The following ATAD3A variants were observed in gnomAD, a reference collection of about 807,000 sequenced individuals.
The protein encoded by ATAD3A is ATPase family AAA domain containing 3A.
A neutral mutation model predicts 73.8 loss-of-function variants in ATAD3A; 46 were observed. That is an observed-to-expected ratio of 0.62 (90% CI 0.49 to 0.80). ATAD3A has a LOEUF of 0.80. ATAD3A is among the 30% of genes least tolerant of loss of function. ATAD3A has a pLI of 0.00. For missense variants in ATAD3A, 705 were observed against 838.0 expected, an observed-to-expected ratio of 0.84 and a Z score of 1.96; for synonymous variants, 319 against 350.0, an observed-to-expected ratio of 0.91 and a Z score of 0.99.
intron 15 of ATAD3A, among the ~76,000 whole-genome samples, chr1:1,531,593 G>T (rs112415954): frequency 0.011 from 1,632 of 151,346 alleles, 11 homozygotes; most frequent in Non-Finnish European, 0.017. Flanking sequence ...CTAACACGGT[G>T]GAACCCCATC....
In ATAD3A at chr1:1,520,293, T is replaced by G; in HGVS notation, c.667T>G (p.Leu223Val). ...GGCGGCCGAGCACCGTCAGACCGTC[T>G]TGGAGTCCATCAGGTGAGCACTGCC... is the stretch of plus-strand genomic sequence containing the variant. ...LKAAEHRQTVLESIRTAGTLF... is the reference protein window; with the variant it reads ...LKAAEHRQTVVESIRTAGTLF... Residue 223 changes from leucine to valine, a missense_variant, in exon 6 of 16, where the codon TTG becomes GTG. This residue lies in a region of ATAD3A where 315 missense variants were observed against 334.1 expected (regional missense o/e 0.94). Coordinates refer to ENST00000378756, the MANE Select transcript of ATAD3A (RefSeq NM_001170535.3). The surrounding 1 kb of genome is among the most constrained non-coding windows in gnomAD (Gnocchi z 4.0). 6.2e-7 allele frequency: 1 copy of G among 1,612,910 alleles called. No homozygotes were observed. Among genetic ancestry groups the G allele is most frequent in the Non-Finnish European group, 8.5e-7 (1 of 1,179,560 alleles).
chr1:1,516,811 G>A (rs772187638), intron 2 of ATAD3A, among the ~76,000 whole-genome samples: 1 of 151,144 alleles, frequency 6.6e-6, no homozygotes, highest in Non-Finnish European at 1.5e-5. Context: ...TCTACCTCCC[G>A]GGTTCAACCT....
At chr1:1,519,894 T>G (rs562411025) in intron 5 of ATAD3A, among the ~76,000 whole-genome samples, 1 of 152,288 alleles carries the variant, frequency 6.6e-6, no homozygotes, top group South Asian at 2.1e-4. Flanking sequence ...GTCTGTGGCA[T>G]GGACCTGTCC....
chr1:1,517,691 T>A, intron 3 of ATAD3A, 25 bp from the exon 4 acceptor site: 1 of 1,268,698 alleles, frequency 7.9e-7, no homozygotes, highest in South Asian at 1.2e-5. Context: ...CTGAGATGTG[T>A]CTTTGCCGCC....
chr1:1,522,738 C>T lies in ATAD3A; in HGVS notation c.751-6C>T, dbSNP rs61209674. 688 of 1,612,120 alleles carry T rather than the reference C, an allele frequency of 4.3e-4. 6 individuals are homozygous for T. The African/African-American group carries it at 8.3e-3, about 20-fold the overall frequency. ...CCGGTGCGCCAGTGCGGTGTCTCTG[C>T]TGCAGGTGGCTGGGCTGACGCTGCT... is the stretch of plus-strand genomic sequence containing the variant. On this transcript the variant is annotated splice_region_variant and splice_polypyrimidine_tract_variant and intron_variant, in intron 7 of 15. Transcript: ENST00000378756.
At chr1:1,529,132 G>C in intron 14 of ATAD3A, 91 bp from the exon 15 acceptor site, 1 of 1,546,532 alleles carries the variant, frequency 6.5e-7, no homozygotes, top group Admixed American at 2.0e-5. Flanking sequence ...TGTTTGGCGT[G>C]GGTGTCGGCC....
rs541172597 is a variant in ATAD3A at position 1,520,419 on chromosome 1, T to C, written c.680+113T>C. ...GCCTTGCCGCCGTAGGCTGACTCCT[T>C]GGTGGGGGCACTGCCCCTCTGTCCT... On this transcript the variant is annotated intron_variant, in intron 6 of 15. Transcript: ENST00000378756. This position sits in a 1 kb window ranked among gnomAD's most constrained non-coding sequence, Gnocchi z 4.0. 194 of 1,593,766 alleles carry C rather than the reference T, an allele frequency of 1.2e-4. No individual in the cohort carries two copies. Among genetic ancestry groups the C allele is most frequent in the Non-Finnish European group, 1.5e-4 (177 of 1,166,688 alleles).
intron 15 of ATAD3A, among the ~76,000 whole-genome samples, chr1:1,531,522 C>T (rs1342527065): frequency 6.6e-6 from 1 of 151,398 alleles, no homozygotes; most frequent in African/African-American, 2.4e-5. Context: ...GCCTGTAATC[C>T]CAGCACTTTG....
rs1365397773 is a variant in ATAD3A, at chr1:1,527,252, G to A, written c.1338-443G>A. On this transcript the variant is annotated intron_variant, in intron 13 of 15. Coordinates refer to ENST00000378756, the MANE Select transcript of ATAD3A (RefSeq NM_001170535.3). Reference sequence around the variant, plus strand: ...TTGGGCTCCCAGGTCAGCTGCTGCCGGTGGATGCTCCCTGGAGCCCTGACT... The same window carrying A: ...TTGGGCTCCCAGGTCAGCTGCTGCCAGTGGATGCTCCCTGGAGCCCTGACT... 2.4e-5 allele frequency: 31 copies of A among 1,285,894 alleles called. No homozygotes were observed. In the Admixed American group the frequency reaches 3.3e-4, roughly 14 times the overall value. 79.7% of individuals were successfully genotyped at this position (1,285,894 alleles called of 1,614,324 possible).
At chr1:1,527,369 C>T in intron 13 of ATAD3A, 1 of 1,071,508 alleles carries the variant, frequency 9.3e-7, no homozygotes, top group Non-Finnish European at 1.2e-6. Flanking sequence ...GTGTGGGCGA[C>T]TTCTCGACAT....
chr1:1,522,133 G>A (rs1376313538), intron 7 of ATAD3A, among the ~76,000 whole-genome samples: 6 of 151,542 alleles, frequency 4.0e-5, no homozygotes, highest in Admixed American at 6.6e-5. Flanking sequence ...TTTGCCTTCC[G>A]GGTTCAAGAG....
intron 15 of ATAD3A, among the ~76,000 whole-genome samples, chr1:1,532,335 C>T (rs1230555350): frequency 6.6e-6 from 1 of 150,880 alleles, no homozygotes; most frequent in Non-Finnish European, 1.5e-5. Context: ...TCAATTTGTC[C>T]AAGAGTTTGA....
At position 1,517,256 on chromosome 1, in the gene ATAD3A, G is replaced by T. The variant is rs1185469110; in HGVS notation, c.283-55G>T. The T allele has an allele frequency of 2.6e-6, 4 of 1,547,136 alleles. No individual in the cohort carries two copies. The African/African-American group carries it at 4.2e-5, about 16-fold the overall frequency. ...GAGCCGTGCAGACACAGGAGCGGCT[G>T]TCAGGCAGTGCCAGCCCTGAGCAAG... is the stretch of plus-strand genomic sequence containing the variant. On this transcript the variant is annotated intron_variant, in intron 2 of 15. Transcript: ENST00000378756.
Position 1,516,924 on chromosome 1 carries a change from C to G in ATAD3A, c.283-387C>G, listed in dbSNP as rs953190290. ...ATGGGGTTTCACCATGTTGTTCAGG[C>G]TGGTCTCGAACTACTAACCTCAGTT... On this transcript the variant is annotated intron_variant, in intron 2 of 15. Transcript: ENST00000378756. The G allele has an allele frequency of 1.8e-5, 11 of 603,658 alleles. No individual in the cohort carries two copies. In the African/African-American group the frequency reaches 2.0e-4, roughly 11 times the overall value. 37.4% of individuals were successfully genotyped at this position (603,658 alleles called of 1,614,324 possible). A position where few individuals can be genotyped will look rare whatever the true frequency, so the allele number is the denominator to read the frequency against.
In ATAD3A at chr1:1,512,248, A is replaced by AGCG; in HGVS notation, c.-10_-8dup. On this transcript the variant is annotated 5_prime_UTR_variant, in exon 1 of 16. Transcript: ENST00000378756. Reference sequence around the variant, plus strand: ...CTCGGGTGGGGGTCCCGGCGGCGGTAGCGGCGGCGGCGGTGCGAGCATGTC... The same window carrying AGCG: ...CTCGGGTGGGGGTCCCGGCGGCGGTAGCGGCGGCGGCGGCGGTGCGAGCATGTC... 2 of 1,276,120 alleles carry AGCG rather than the reference A, an allele frequency of 1.6e-6. No individual in the cohort carries two copies. Among genetic ancestry groups the AGCG allele is most frequent in the Non-Finnish European group, 9.9e-7 (1 of 1,006,300 alleles). The allele number at this position is 1,276,120 out of a possible 1,614,324, so 79.0% of individuals were successfully genotyped here.
intron 4 of ATAD3A, among the ~76,000 whole-genome samples, chr1:1,518,666 T>G (rs1421156649): frequency 4.8e-5 from 2 of 41,310 alleles, no homozygotes; most frequent in East Asian, 6.7e-4. Flanking sequence ...CCCGCACGGG[T>G]ACACACACAC....
chr1:1,519,768 G>T (rs1171564804), intron 5 of ATAD3A, among the ~76,000 whole-genome samples: 1 of 150,294 alleles, frequency 6.7e-6, no homozygotes, highest in Non-Finnish European at 1.5e-5. Context: ...CCGCGTTCTG[G>T]TTTTTTGCTT....
chr1:1,520,666 G>A lies in ATAD3A; in HGVS notation c.750+49G>A, dbSNP rs746429753. On this transcript the variant is annotated intron_variant, in intron 7 of 15. Transcript: ENST00000378756. This position sits in a 1 kb window ranked among gnomAD's most constrained non-coding sequence, Gnocchi z 4.0. ...CTGGCAGGTGGCTGAGGGGCAGCAT[G>A]TGGGGGCCTCCTGGAGCCCCAGGTC... The A allele has an allele frequency of 3.6e-5, 58 of 1,612,880 alleles. No individual in the cohort carries two copies. The highest frequency in any genetic ancestry group is 4.7e-5 in the Non-Finnish European group (56 of 1,179,758).
chr1:1,516,662 C>G (rs1362252200), intron 2 of ATAD3A, among the ~76,000 whole-genome samples: 7 of 151,738 alleles, frequency 4.6e-5, no homozygotes, highest in Non-Finnish European at 1.0e-4. Context: ...ATCCACCTGC[C>G]TCGGCCTCCC....
Sources: allele counts gnomAD v4.1 joint callset (sites outside exome capture counted in the v4.1 genomes callset), GRCh38; gene constraint gnomAD v4.1.1; regional missense constraint gnomAD v4.1.1; non-coding constraint Gnocchi (gnomAD v3.1); transcripts MANE v1.5; gene names NCBI Gene and HGNC (gene_info 2026-07-23, HGNC 2026-07-21).